Variants in PHLDA1 observed in about 807,000 individuals in gnomAD.
PHLDA1 encodes the protein pleckstrin homology like domain family A member 1.
PHLDA1 carries 28 observed loss-of-function variants against 33.8 expected under a neutral mutation model. The observed-to-expected ratio is 0.83, with a 90% CI of 0.61 to 1.14. The LOEUF (loss-of-function observed/expected upper bound fraction) is 1.14, where lower values mean the gene tolerates loss of function less well. PHLDA1 is among the 50% of genes most tolerant of loss of function. PHLDA1 has a pLI of 0.00. For missense variants in PHLDA1, 595 were observed against 548.6 expected, an observed-to-expected ratio of 1.08 and a Z score of -0.84; for synonymous variants, 271 against 243.6, an observed-to-expected ratio of 1.11 and a Z score of -1.05.
Position 76,031,162 on chromosome 12 carries a change from GCT to G in PHLDA1, c.578_579del (p.Gln193ProfsTer223), listed in dbSNP as rs1870898836. 7 of 1,274,790 alleles carry G rather than the reference GCT, an allele frequency of 5.5e-6. No individual in the cohort carries two copies. Among genetic ancestry groups the G allele is most frequent in the African/African-American group, 1.5e-5 (1 of 66,402 alleles). 79.0% of individuals were successfully genotyped at this position (1,274,790 alleles called of 1,614,324 possible). On this transcript the variant is annotated frameshift_variant, in exon 1 of 2. Coordinates refer to ENST00000266671, the Ensembl canonical transcript of PHLDA1. LOFTEE classifies it high-confidence loss of function. The surrounding 1 kb of genome is among the most constrained non-coding windows in gnomAD (Gnocchi z 5.4). ...TGCTGCTGCTGCTGCTGCTGTTGCT[GCT>G]GCTGCTGCTGGTGTTGCAGCTGCTT...
At chr12:76,030,192 C>G (rs1870859482) in intron 1 of PHLDA1, 100 bp from the exon 2 acceptor site, 1 of 378,428 alleles carries the variant, frequency 2.6e-6, no homozygotes, top group African/African-American at 2.0e-5. Flanking sequence ...CAGAAAGACA[C>G]CGTGGTGTTT....
exon 2 of PHLDA1, chr12:76,025,880 TC>T (rs1457540708): frequency 4.6e-5 from 7 of 152,308 alleles, no homozygotes; most frequent in African/African-American, 1.4e-4. Context: ...TATTGCCCTT[TC>T]TAAGAAAACC....
exon 2 of PHLDA1, chr12:76,027,394 A>C (rs1870796609): frequency 1.3e-5 from 2 of 152,212 alleles, no homozygotes; most frequent in Non-Finnish European, 2.9e-5. Flanking sequence ...AGAGGGGTTC[A>C]GAATAGAAAA....
In PHLDA1 at chr12:76,030,709, G is replaced by A. The variant is rs1274571620; in HGVS notation, c.1033C>T (p.Pro345Ser). 5.1e-6 allele frequency: 6 copies of A among 1,165,514 alleles called. No individual in the cohort carries two copies. The South Asian group carries it at 7.8e-5, about 15-fold the overall frequency. 72.2% of individuals were successfully genotyped at this position (1,165,514 alleles called of 1,614,324 possible). The change falls in exon 1 of 2, where the codon CCC becomes TCC. Residue 345 changes from proline to serine, a missense_variant. This residue lies in a region of PHLDA1 where 328 missense variants were observed against 295.7 expected (regional missense o/e 1.11). Transcript: ENST00000266671. Reference sequence around the variant, plus strand: ...TGCGGATACGGGTGGAGCTGCTGGGGCTGAGGCTTGGGTTGGGGCTGAGGC... The same window carrying A: ...TGCGGATACGGGTGGAGCTGCTGGGACTGAGGCTTGGGTTGGGGCTGAGGC...
chr12:76,026,562 T>C (rs1298407410), exon 2 of PHLDA1: 3 of 152,184 alleles, frequency 2.0e-5, no homozygotes, highest in African/African-American at 7.2e-5. Context: ...AGTGTTTACA[T>C]GTGAGGGAAA....
chr12:76,030,734 C>T, exon 1 of PHLDA1: 2 of 1,225,360 alleles, frequency 1.6e-6, no homozygotes, highest in African/African-American at 1.5e-5. Context: ...GGGGCTGAGG[C>T]TGGGGTTGTG....
At chr12:76,025,735 C>T (rs1468148353) in exon 2 of PHLDA1, 3 of 150,544 alleles carry the variant, frequency 2.0e-5, no homozygotes, top group Non-Finnish European at 4.4e-5. Flanking sequence ...GAAGGACTCC[C>T]TGTTGTTAAA....
exon 1 of PHLDA1, chr12:76,030,522 G>A (rs1264094081): frequency 8.7e-6 from 14 of 1,610,812 alleles, no homozygotes; most frequent in Non-Finnish European, 1.2e-5. Flanking sequence ...TGTCTTGCCC[G>A]GGAGCTGCCC....
At chr12:76,030,234 G>C (rs1328039569) in intron 1 of PHLDA1, 142 bp from the exon 2 acceptor site, 7 of 505,166 alleles carry the variant, frequency 1.4e-5, no homozygotes, top group Non-Finnish European at 2.1e-5. Flanking sequence ...AGTCAAGTGG[G>C]GCTGGGGGAC....
At chr12:76,026,627 C>A (rs4145248) in exon 2 of PHLDA1, 1 of 146,446 alleles carries the variant, frequency 6.8e-6, no homozygotes. Flanking sequence ...ACAAAAAAAA[C>A]AAAAACATAA....
rs747525422 is a variant in PHLDA1, at chr12:76,031,365, C to G, written c.377G>C (p.Gly126Ala). The change falls in exon 1 of 2, where the codon GGA (glycine) becomes GCA (alanine). Residue 126 changes from glycine to alanine, a missense_variant. Transcript: ENST00000266671. The surrounding 1 kb of genome is among the most constrained non-coding windows in gnomAD (Gnocchi z 5.4). ...GCCGCTTGGCTCGGCCTCTCCGTTT[C>G]CAGCCGCGCGGGCCGGGGGCAGCAG... 17 of 1,609,906 alleles carry G rather than the reference C, an allele frequency of 1.1e-5. No homozygotes were observed. The highest frequency in any genetic ancestry group is 1.4e-5 in the Non-Finnish European group (17 of 1,178,646).
At chr12:76,030,768 G>T in exon 1 of PHLDA1, 1 of 1,400,732 alleles carries the variant, frequency 7.1e-7, no homozygotes, top group Non-Finnish European at 9.9e-7. Flanking sequence ...TTGCGGCTGA[G>T]GCTGAGGCTG....
exon 2 of PHLDA1, chr12:76,026,547 C>G (rs931207097): frequency 9.9e-5 from 15 of 152,080 alleles, no homozygotes; most frequent in African/African-American, 3.6e-4. Context: ...TCCAGACTTC[C>G]TAACAGTGTT....
chr12:76,030,685 G>T, exon 1 of PHLDA1: 3 of 1,173,438 alleles, frequency 2.6e-6, no homozygotes, highest in Non-Finnish European at 1.3e-6. Context: ...GGATGTGGAT[G>T]CGGATACGGG....
intron 1 of PHLDA1, among the ~76,000 whole-genome samples, 179 bp from the exon 2 acceptor site, chr12:76,030,271 T>TGGGCGC (rs200305606): frequency 5.3e-5 from 8 of 152,232 alleles, no homozygotes; most frequent in South Asian, 2.1e-4. Flanking sequence ...ACGGTCGTGA[T>TGGGCGC]GGGCGCGGGC....
chr12:76,031,150 G>T lies in PHLDA1; in HGVS notation c.592C>A (p.Gln198Lys). 1 of 1,461,286 alleles carries T rather than the reference G, an allele frequency of 6.8e-7. No individual in the cohort carries two copies. The highest frequency in any genetic ancestry group is 9.0e-7 in the Non-Finnish European group (1 of 1,112,116). The allele number at this position is 1,461,286 out of a possible 1,614,324, so 90.5% of individuals were successfully genotyped here. ...CCGGGCTGTTGTTGCTGCTGCTGCT[G>T]CTGCTGTTGCTGCTGCTGCTGCTGG... The change falls in exon 1 of 2, where the codon CAG becomes AAG. Residue 198 changes from glutamine to lysine, a missense_variant. Gln to Lys is a moderately conservative substitution (Grantham distance 53, BLOSUM62 1). Coordinates refer to ENST00000266671, the Ensembl canonical transcript of PHLDA1. This position sits in a 1 kb window ranked among gnomAD's most constrained non-coding sequence, Gnocchi z 5.4.
chr12:76,026,002 T>TCTGCCCAACCGTGC (rs1266666836), exon 2 of PHLDA1: 1 of 152,206 alleles, frequency 6.6e-6, no homozygotes, highest in East Asian at 1.9e-4. Context: ...TGCAAGTCAA[T>TCTGCCCAACCGTGC]AAGCCACCCT....
In PHLDA1 at chr12:76,031,609, C is replaced by T. The variant is rs1870914086; in HGVS notation, c.133G>A (p.Gly45Arg). 2 of 1,571,936 alleles carry T rather than the reference C, an allele frequency of 1.3e-6. No homozygotes were observed. The highest frequency in any genetic ancestry group is 1.4e-5 in the African/African-American group (1 of 71,300). ...TCACTGAAGGGCACTGGCCGGGCCC[C>T]CTCGCGGCGCTTTTGAATGGGCCAT... The change falls in exon 1 of 2, where the codon GGG (glycine) becomes AGG (arginine). Residue 45 changes from glycine to arginine, a missense_variant. Gly to Arg is a moderately radical substitution (Grantham distance 125). This residue lies in a region of PHLDA1 where 263 missense variants were observed against 232.3 expected (regional missense o/e 1.13). Coordinates refer to ENST00000266671, the Ensembl canonical transcript of PHLDA1. This position sits in a 1 kb window ranked among gnomAD's most constrained non-coding sequence, Gnocchi z 5.4.
In PHLDA1 at chr12:76,030,927, C is replaced by T. The variant is rs753027487; in HGVS notation, c.815G>A (p.Trp272Ter). ...CATCTGCAGCGTGATCTCGGCGTTC[C>T]AGCCCTGGTCTTGCGGGCACCGAAA... Residue 272 changes from tryptophan (W) to a stop codon, truncating the protein, a stop_gained, in exon 1 of 2, where the codon TGG (tryptophan) becomes TAG (stop). Transcript: ENST00000266671. LOFTEE classifies it high-confidence loss of function. 7 of 1,613,906 alleles carry T rather than the reference C, an allele frequency of 4.3e-6. 1 individual carries two copies. Among genetic ancestry groups the T allele is most frequent in the Admixed American group, 3.3e-5 (2 of 60,008 alleles).
Sources: gnomAD v4.1 joint callset for allele counts (sites outside exome capture counted in the v4.1 genomes callset) on GRCh38, gnomAD v4.1.1 for gene constraint, gnomAD v4.1.1 regional missense constraint, Gnocchi (gnomAD v3.1) non-coding constraint, MANE v1.5 for transcripts, NCBI Gene and HGNC (gene_info 2026-07-23, HGNC 2026-07-21) for gene names.